CHST11: variants seen among roughly 807,000 people sequenced by gnomAD.
CHST11 encodes carbohydrate sulfotransferase 11, also known as C4S-1.
Under a neutral mutation model 30.4 loss-of-function variants are expected in CHST11, and 9 were observed. That is an observed-to-expected ratio of 0.30 (90% CI 0.18 to 0.52). The LOEUF (loss-of-function observed/expected upper bound fraction) is 0.52. CHST11 is among the 20% of genes least tolerant of loss of function. The probability of loss-of-function intolerance (pLI) is 0.97; values close to 1 mark genes in which losing one functional copy is unlikely to be tolerated. For missense variants in CHST11, 348 were observed against 460.6 expected (o/e 0.76, Z 2.24); for synonymous variants, 152 against 187.8 (o/e 0.81, Z 1.56).
At chr12:104,687,915 A>T (rs2039863703) in intron 2 of CHST11, among the ~76,000 whole-genome samples, 1 of 152,118 alleles carries the variant, frequency 6.6e-6, no homozygotes, top group Admixed American at 6.5e-5. Context: ...TCACAGTTTA[A>T]TGCCGTTGGG....
intron 2 of CHST11, among the ~76,000 whole-genome samples, chr12:104,632,204 A>G (rs1227919047): frequency 1.3e-5 from 2 of 151,884 alleles, no homozygotes; most frequent in African/African-American, 2.4e-5. Flanking sequence ...CAAATGATGG[A>G]TGAATAGAAT....
At chr12:104,497,264 C>T (rs2037807676) in intron 1 of CHST11, among the ~76,000 whole-genome samples, 1 of 152,140 alleles carries the variant, frequency 6.6e-6, no homozygotes, top group Non-Finnish European at 1.5e-5. Flanking sequence ...AGGATGGGCC[C>T]TAATCCAATC....
chr12:104,612,762 A>G (rs889668501), intron 2 of CHST11, among the ~76,000 whole-genome samples: 8 of 152,358 alleles, frequency 5.3e-5, no homozygotes, highest in Admixed American at 3.9e-4. Context: ...TGGTACAGCC[A>G]TTATGGAAAA....
rs917191276 is a variant in CHST11 at position 104,472,129 on chromosome 12, G to T, written c.118+14600G>T. ...GCACCATCACACTTAGCTAATTTTT[G>T]ATTTTTTTTTTCTTTTTTTTTTTTT... On this transcript the variant is annotated intron_variant, in intron 1 of 2. Coordinates refer to ENST00000303694, the MANE Select transcript of CHST11 (RefSeq NM_018413.6). 5.5e-4 allele frequency among the ~76,000 whole-genome samples: 80 copies of T among 144,590 alleles called. 1 individual carries two copies. The highest frequency in any genetic ancestry group is 2.1e-3 in the African/African-American group (78 of 36,744). 94.9% of individuals were successfully genotyped at this position (144,590 alleles called of 152,430 possible).
At chr12:104,666,065 G>A (rs1032305297) in intron 2 of CHST11, among the ~76,000 whole-genome samples, 4 of 151,868 alleles carry the variant, frequency 2.6e-5, no homozygotes, top group South Asian at 2.1e-4. Flanking sequence ...TGATTCGCCC[G>A]CCTCGGCCTC....
At chr12:104,504,158 C>G (rs1400643466) in intron 1 of CHST11, among the ~76,000 whole-genome samples, 2 of 152,316 alleles carry the variant, frequency 1.3e-5, no homozygotes, top group East Asian at 3.9e-4. Context: ...CAGCGCCTTG[C>G]TGTGGGGAGA....
At chr12:104,559,150 G>A (rs2038489016) in intron 1 of CHST11, among the ~76,000 whole-genome samples, 1 of 151,946 alleles carries the variant, frequency 6.6e-6, no homozygotes, top group African/African-American at 2.4e-5. Context: ...AACACCATGG[G>A]ACTCTCCTAG....
chr12:104,628,303 G>T (rs763832802), intron 2 of CHST11, among the ~76,000 whole-genome samples: 1 of 152,100 alleles, frequency 6.6e-6, no homozygotes. Flanking sequence ...CTGACAGGTG[G>T]CCCCTCACCC....
At chr12:104,649,416 A>G (rs1484785599) in intron 2 of CHST11, among the ~76,000 whole-genome samples, 1 of 152,188 alleles carries the variant, frequency 6.6e-6, no homozygotes, top group Non-Finnish European at 1.5e-5. Flanking sequence ...TCTGTTAGGC[A>G]CATGTTATTA....
chr12:104,732,270 G>C (rs1415374381), intron 2 of CHST11, among the ~76,000 whole-genome samples: 1 of 152,150 alleles, frequency 6.6e-6, no homozygotes, highest in Admixed American at 6.5e-5. Flanking sequence ...CCATAAGCCA[G>C]ACCCCAGCAA....
intron 1 of CHST11, among the ~76,000 whole-genome samples, chr12:104,513,123 T>TGGTGGGGGGGGGGGGGGGGGGGGGGGGG (rs1555229062): frequency 3.0e-4 from 1 of 3,384 alleles, no homozygotes; most frequent in African/African-American, 1.5e-3. Context: ...ATGTCATGAC[T>TGGTGGGGGGGGGGGGGGGGGGGGGGGGG]GGGGGGGGGG....
chr12:104,617,455 A>G (rs1303954497), intron 2 of CHST11, among the ~76,000 whole-genome samples: 1 of 151,924 alleles, frequency 6.6e-6, no homozygotes, highest in East Asian at 1.9e-4. Context: ...GCCCCCAAAT[A>G]CCTGGTGCAG....
chr12:104,528,101 A>G (rs1471134597), intron 1 of CHST11, among the ~76,000 whole-genome samples: 1 of 152,226 alleles, frequency 6.6e-6, no homozygotes, highest in Non-Finnish European at 1.5e-5. Flanking sequence ...TTGATTTTTC[A>G]CAGGGTGTTA....
rs181699443 is a variant in CHST11, at chr12:104,541,604, C to T, written c.119-60302C>T. On this transcript the variant is annotated intron_variant, in intron 1 of 2. Transcript: ENST00000303694. ...GCATCACCTCTTTCTTTCAAATCCC[C>T]CTGTTGGGCATAGGATATTTACTTT... Among the ~76,000 whole-genome samples the T allele has an allele frequency of 1.9e-3, 282 of 152,182 alleles. 1 individual carries two copies. The highest frequency in any genetic ancestry group is 6.2e-3 in the African/African-American group (258 of 41,528).
At chr12:104,659,350 C>T (rs2039575586) in intron 2 of CHST11, among the ~76,000 whole-genome samples, 1 of 152,170 alleles carries the variant, frequency 6.6e-6, no homozygotes, top group Admixed American at 6.5e-5. Flanking sequence ...TTGCTCAAGA[C>T]ATATGATCGT....
At chr12:104,502,502 T>C (rs1378424215) in intron 1 of CHST11, among the ~76,000 whole-genome samples, 1 of 152,140 alleles carries the variant, frequency 6.6e-6, no homozygotes, top group Non-Finnish European at 1.5e-5. Flanking sequence ...AGTAATTTAA[T>C]TGGAAGGAAA....
intron 2 of CHST11, among the ~76,000 whole-genome samples, chr12:104,615,789 G>A (rs1366335688): frequency 2.0e-5 from 3 of 152,152 alleles, no homozygotes; most frequent in East Asian, 1.9e-4. Flanking sequence ...TTAGCCAGGC[G>A]TGGTGGCGGG....
intron 2 of CHST11, among the ~76,000 whole-genome samples, chr12:104,633,781 A>G (rs2039296422): frequency 6.6e-6 from 1 of 152,104 alleles, no homozygotes; most frequent in African/African-American, 2.4e-5. Context: ...AGGGCCCTGG[A>G]ACATGGCTCT....
At chr12:104,459,405 C>T (rs1209333115) in intron 1 of CHST11, among the ~76,000 whole-genome samples, 1 of 152,220 alleles carries the variant, frequency 6.6e-6, no homozygotes, top group South Asian at 2.1e-4. Flanking sequence ...GACTCTAGAG[C>T]TGTGTTCAGG....
Sources: gnomAD v4.1 joint callset for allele counts (sites outside exome capture counted in the v4.1 genomes callset) on GRCh38, gnomAD v4.1.1 for gene constraint, MANE v1.5 for transcripts, NCBI Gene and HGNC (gene_info 2026-07-23, HGNC 2026-07-21) for gene names.